Variants in ZNF254 observed in about 807,000 individuals in gnomAD.
ZNF254 encodes zinc finger protein 254.
Under a neutral mutation model 12.4 loss-of-function variants are expected in ZNF254, and 10 were observed. That is an observed-to-expected ratio of 0.80 (90% CI 0.50 to 1.36). The LOEUF is 1.36. Among genes scored for constraint, ZNF254 ranks in the 40% most tolerant of loss-of-function variants. The probability of loss-of-function intolerance (pLI) is 0.00; values close to 1 mark genes in which losing one functional copy is unlikely to be tolerated. For missense variants in ZNF254, 996 were observed against 763.9 expected (o/e 1.30, Z -3.58); for synonymous variants, 305 against 253.4 (o/e 1.20, Z -1.93).
chr19:24,044,949 C>T (rs1162680736), intron 1 of ZNF254, among the ~76,000 whole-genome samples: 1 of 152,314 alleles, frequency 6.6e-6, no homozygotes, highest in African/African-American at 2.4e-5. Context: ...ACTATACATA[C>T]GTTGTCTCTG....
upstream of ZNF254, among the ~76,000 whole-genome samples, chr19:24,086,144 T>C (rs1972030131): frequency 6.6e-6 from 1 of 151,616 alleles, no homozygotes; most frequent in Non-Finnish European, 1.5e-5. Flanking sequence ...GAGGCAGAGG[T>C]TGCAGTTAGC....
rs1975032183 is a variant in ZNF254 at position 24,128,192 on chromosome 19, C to G, written c.*212C>G. ...ACACTTGATTGTAGGTAAGATAATTCATACTGGAGAAAACTACCAGTGTGA... is the reference window on the plus strand; with the variant it reads ...ACACTTGATTGTAGGTAAGATAATTGATACTGGAGAAAACTACCAGTGTGA... On this transcript the variant is annotated 3_prime_UTR_variant, in exon 4 of 4. Coordinates refer to ENST00000357002, the MANE Select transcript of ZNF254 (RefSeq NM_203282.4). 1 of 508,706 alleles carries G rather than the reference C, an allele frequency of 2.0e-6. No individual in the cohort carries two copies. Among genetic ancestry groups the G allele is most frequent in the African/African-American group, 2.0e-5 (1 of 50,252 alleles). The allele number at this position is 508,706 out of a possible 1,614,324, so 31.5% of individuals were successfully genotyped here. A position where few individuals can be genotyped will look rare whatever the true frequency, so the allele number is the denominator to read the frequency against.
intron 1 of ZNF254, among the ~76,000 whole-genome samples, chr19:24,099,161 A>AT (rs779671942): frequency 0.016 from 2,192 of 133,070 alleles, 42 homozygotes; most frequent in African/African-American, 0.021. Context: ...ATGCCCAGCT[A>AT]TTTTTTTTTT....
At chr19:24,046,373 T>TATATATATATATA (rs1555750839) in intron 2 of ZNF254, 1,327 of 95,256 alleles carry the variant, frequency 0.014, 46 homozygotes, top group Middle Eastern at 0.038. Flanking sequence ...TTATTATTTT[T>TATATATATATATA]TATATATATA....
chr19:24,060,804 T>C (rs1370647161), intron 2 of ZNF254, among the ~76,000 whole-genome samples: 2 of 152,228 alleles, frequency 1.3e-5, no homozygotes, highest in African/African-American at 4.8e-5. Context: ...CTATGTGATA[T>C]GACTCCTTTC....
At chr19:24,119,072 A>G (rs1352041514) in intron 3 of ZNF254, among the ~76,000 whole-genome samples, 1 of 152,094 alleles carries the variant, frequency 6.6e-6, no homozygotes, top group Non-Finnish European at 1.5e-5. Flanking sequence ...AGAGCATGCC[A>G]CCACATTCCA....
At chr19:24,094,231 TC>T (rs1453810416) in intron 1 of ZNF254, among the ~76,000 whole-genome samples, 1 of 152,148 alleles carries the variant, frequency 6.6e-6, no homozygotes, top group Non-Finnish European at 1.5e-5. Flanking sequence ...TAGTTTGACT[TC>T]CTCTCTTCCT....
intron 2 of ZNF254, among the ~76,000 whole-genome samples, chr19:24,047,949 AGTGCT>A (rs1970462224): frequency 1.4e-5 from 2 of 146,822 alleles, no homozygotes; most frequent in Non-Finnish European, 3.0e-5. Context: ...AGCCTCCCAA[AGTGCT>A]GGGATTACAG....
intron 3 of ZNF254, among the ~76,000 whole-genome samples, chr19:24,111,374 C>T (rs1327393233): frequency 6.6e-6 from 1 of 152,068 alleles, no homozygotes; most frequent in Non-Finnish European, 1.5e-5. Context: ...TGGGTTGGTT[C>T]CAAGTCTTTG....
chr19:24,105,180 T>C (rs1973261171), intron 1 of ZNF254: 1 of 160,282 alleles, frequency 6.2e-6, no homozygotes, highest in Non-Finnish European at 1.3e-5. Context: ...TTTTTCACTA[T>C]AGAATTATTT....
chr19:24,074,928 CT>C (rs1224026803), intron 2 of ZNF254, among the ~76,000 whole-genome samples: 1 of 152,214 alleles, frequency 6.6e-6, no homozygotes, highest in African/African-American at 2.4e-5. Flanking sequence ...TGTGACATTT[CT>C]GGGCCCAGAA....
rs1599622052 is a variant in ZNF254 at position 24,062,500 on chromosome 19, A to G, written c.-94+16221A>G. On this transcript the variant is annotated intron_variant, in intron 2 of 4. Transcript: ENST00000613065. Reference sequence around the variant, plus strand: ...AAATGTCATACCTAGACTTGGGACCACATTAGATCATGTGTTCAGAGCAGG... The same window carrying G: ...AAATGTCATACCTAGACTTGGGACCGCATTAGATCATGTGTTCAGAGCAGG... 1.3e-5 allele frequency among the ~76,000 whole-genome samples: 2 copies of G among 152,340 alleles called. 1 individual carries two copies. The highest frequency in any genetic ancestry group is 1.3e-4 in the Admixed American group (2 of 15,302).
intron 3 of ZNF254, among the ~76,000 whole-genome samples, chr19:24,112,862 C>T (rs990207717): frequency 6.6e-6 from 1 of 152,054 alleles, no homozygotes; most frequent in African/African-American, 2.4e-5. Flanking sequence ...CCACTGATCC[C>T]ACAGAAATTA....
Position 24,048,003 on chromosome 19 carries a change from C to CTTTTTTTTTTTTTTTTTTTTTTTTTTTT in ZNF254, c.-94+1747_-94+1748insTTTTTTTTTTTTTTTTTTTTTTTTTTTT, listed in dbSNP as rs398034320. Among the ~76,000 whole-genome samples, 17 of 68,818 alleles carry CTTTTTTTTTTTTTTTTTTTTTTTTTTTT rather than the reference C, an allele frequency of 2.5e-4. 2 individuals are homozygous for CTTTTTTTTTTTTTTTTTTTTTTTTTTTT. Among genetic ancestry groups the CTTTTTTTTTTTTTTTTTTTTTTTTTTTT allele is most frequent in the South Asian group, 6.5e-4 (1 of 1,532 alleles). 45.1% of individuals were successfully genotyped at this position (68,818 alleles called of 152,430 possible). ...CACCCGGCTCTTTTTTTCTTTTCTT[C>CTTTTTTTTTTTTTTTTTTTTTTTTTTTT]TTTTTTTTTTTTTTTTTTTTTTTGC... On this transcript the variant is annotated intron_variant, in intron 2 of 4. Transcript: ENST00000613065.
At chr19:24,070,819 G>T (rs975773957) in intron 2 of ZNF254, among the ~76,000 whole-genome samples, 1 of 152,114 alleles carries the variant, frequency 6.6e-6, no homozygotes, top group Non-Finnish European at 1.5e-5. Flanking sequence ...CTCTTTCCTT[G>T]TTCCTGTCAC....
Position 24,106,641 on chromosome 19 carries a change from C to G in ZNF254, c.251C>G (p.Pro84Arg). 6.3e-7 allele frequency: 1 copy of G among 1,580,176 alleles called. No homozygotes were observed. Among genetic ancestry groups the G allele is most frequent in the Non-Finnish European group, 8.6e-7 (1 of 1,160,982 alleles). Residue 84 changes from proline to arginine, a missense_variant and splice_region_variant, in exon 3 of 4, where the codon CCA (proline) becomes CGA (arginine). Physicochemically the swap from Pro to Arg is moderately radical, Grantham distance 103. Coordinates refer to ENST00000357002, the MANE Select transcript of ZNF254 (RefSeq NM_203282.4). ...CGACATGAGATGGTGGATGAACCCCCAGGTAGGTGAGAGTGAATACAACAG... is the reference window on the plus strand; with the variant it reads ...CGACATGAGATGGTGGATGAACCCCGAGGTAGGTGAGAGTGAATACAACAG... ...MKRHEMVDEP[P>R]GMCPHFAQDL...
chr19:24,078,100 A>G (rs1003505978), intron 2 of ZNF254, among the ~76,000 whole-genome samples: 6 of 152,158 alleles, frequency 3.9e-5, no homozygotes, highest in Admixed American at 1.3e-4. Flanking sequence ...GTGCAGTGGC[A>G]TGATCTTGGC....
rs1974900241 is a variant in ZNF254, at chr19:24,126,958, A to T, written c.958A>T (p.Lys320Ter). 1 of 1,613,598 alleles carries T rather than the reference A, an allele frequency of 6.2e-7. No individual in the cohort carries two copies. Among genetic ancestry groups the T allele is most frequent in the Non-Finnish European group, 8.5e-7 (1 of 1,179,770 alleles). The stretch of plus-strand genomic sequence containing the variant: ...GCATAAGAAAATTCATACTAGAAAG[A>T]AACCCTACAAGTGTGAAGAATGTGG... ...TEHKKIHTRKKPYKCEECGKA... is the reference protein window; with the variant it reads ...TEHKKIHTRK The change falls in exon 4 of 4, where the codon AAA becomes TAA. Residue 320 changes from lysine (K) to a stop codon, truncating the protein, a stop_gained. Transcript: ENST00000357002. LOFTEE classifies it low-confidence loss of function (END_TRUNC).
At chr19:24,107,655 C>T (rs774026281) in intron 3 of ZNF254, among the ~76,000 whole-genome samples, 13 of 152,094 alleles carry the variant, frequency 8.5e-5, no homozygotes, top group Non-Finnish European at 1.2e-4. Flanking sequence ...TCTTCAATTT[C>T]AATGACTTTA....
Sources: gnomAD v4.1 joint callset for allele counts (sites outside exome capture counted in the v4.1 genomes callset) on GRCh38, gnomAD v4.1.1 for gene constraint, MANE v1.5 for transcripts, NCBI Gene and HGNC (gene_info 2026-07-23, HGNC 2026-07-21) for gene names.